CDC6: variants seen among roughly 807,000 people sequenced by gnomAD.
CDC6 encodes DNA replication factor CDC6.
In CDC6, 46 loss-of-function variants were observed where a neutral mutation model predicts 60.2. The ratio of observed to expected loss-of-function variants is 0.76; its 90% CI spans 0.60 to 0.98. The LOEUF (loss-of-function observed/expected upper bound fraction) is 0.98, where lower values mean the gene tolerates loss of function less well. CDC6 is among the 50% of genes least tolerant of loss of function. The pLI, the probability that CDC6 is intolerant of heterozygous loss-of-function variation, is 0.00. For synonymous variants in CDC6, 210 were observed against 233.2 expected, an observed-to-expected ratio of 0.90 and a Z score of 0.90; for missense variants, 596 against 652.9, an observed-to-expected ratio of 0.91 and a Z score of 0.95.
At chr17:40,299,129 G>A (rs2032900141) in intron 9 of CDC6, among the ~76,000 whole-genome samples, 1 of 139,184 alleles carries the variant, frequency 7.2e-6, no homozygotes, top group South Asian at 2.3e-4. Context: ...CAAACGATAA[G>A]GCCATAGTCT....
At chr17:40,291,751 T>C in intron 4 of CDC6, 83 bp downstream of exon 4, 3 of 1,464,660 alleles carry the variant, frequency 2.0e-6, no homozygotes, top group Admixed American at 3.4e-5. Flanking sequence ...TGTTTTGTTT[T>C]GTTTTGTTTT....
In CDC6 at chr17:40,289,540, A is replaced by G. The variant is rs776333251; in HGVS notation, c.120A>G (p.Gln40=). Residue 40 remains glutamine (Q), a synonymous_variant, in exon 2 of 12, where the codon CAA becomes CAG. Transcript: ENST00000209728. ...CCAAACTAGAACCAACAAATGTCCA[A>G]ACCGTAACCTGTTCTCCTCGTGTAA... ...SDAKLEPTNV[Q]TVTCSPRVKA... 3.1e-6 allele frequency: 5 copies of G among 1,613,874 alleles called. No individual in the cohort carries two copies. In the East Asian group the frequency reaches 8.9e-5, roughly 29 times the overall value.
At position 40,303,612 on chromosome 17, in the gene CDC6, G is replaced by C. The variant is rs978061432; in HGVS notation, c.*1611G>C. 1.3e-4 allele frequency: 20 copies of C among 152,216 alleles called. No individual in the cohort carries two copies. Among genetic ancestry groups the C allele is most frequent in the African/African-American group, 4.8e-4 (20 of 41,454 alleles). 9.4% of individuals were successfully genotyped at this position (152,216 alleles called of 1,614,324 possible). On this transcript the variant is annotated 3_prime_UTR_variant, in exon 12 of 12. Transcript: ENST00000209728. ...CATGATAGTCTGTAGGCATGAGTCT[G>C]AATGTTGTTCTCACACTCCTTTACT...
Position 40,300,865 on chromosome 17 carries a change from T to G in CDC6, c.1287T>G (p.Val429=). Reference sequence around the variant, plus strand: ...CTGAGCCTCTGATTCCCAAGAGGGTTGGTCTTATTCACATATCCCAAGTCA... The same window carrying G: ...CTGAGCCTCTGATTCCCAAGAGGGTGGGTCTTATTCACATATCCCAAGTCA... ...SPSEPLIPKR[V]GLIHISQVIS... is the part of the protein sequence containing the mutation. The change falls in exon 10 of 12, where the codon GTT becomes GTG. Residue 429 remains valine (V), a synonymous_variant. Transcript: ENST00000209728. 6.2e-7 allele frequency: 1 copy of G among 1,614,164 alleles called. No homozygotes were observed.
Position 40,301,490 on chromosome 17 carries a change from T to C in CDC6, c.1475T>C (p.Val492Ala), listed in dbSNP as rs1208012507. 1 of 1,614,172 alleles carries C rather than the reference T, an allele frequency of 6.2e-7. No individual in the cohort carries two copies. The highest frequency in any genetic ancestry group is 8.5e-7 in the Non-Finnish European group (1 of 1,179,984). ...CAGTTATATGAAGCCTACAGTAAAG[T>C]CTGTCGCAAACAGCAGGTGGCGGCT... is the stretch of plus-strand genomic sequence containing the variant. ...LGKLYEAYSKVCRKQQVAAVD... is the reference protein window; with the variant it reads ...LGKLYEAYSKACRKQQVAAVD... The change falls in exon 11 of 12, where the codon GTC (valine) becomes GCC (alanine). Residue 492 changes from valine to alanine, a missense_variant. By Grantham distance (64) the Val-to-Ala change is moderately conservative. Transcript: ENST00000209728.
rs2032974491 is a variant in CDC6 at position 40,304,442 on chromosome 17, G to A, written c.*2441G>A. ...TAGTGGGATGGGATGGGATGGGCTT[G>A]TGGTTAGCAGTTTTTGCCAGGATCA... is the stretch of plus-strand genomic sequence containing the variant. On this transcript the variant is annotated 3_prime_UTR_variant, in exon 12 of 12. Coordinates refer to ENST00000209728, the MANE Select transcript of CDC6 (RefSeq NM_001254.4). The A allele has an allele frequency of 6.6e-6, 1 of 152,222 alleles. No individual in the cohort carries two copies. The highest frequency in any genetic ancestry group is 1.5e-5 in the Non-Finnish European group (1 of 68,044). The allele number at this position is 152,222 out of a possible 1,614,324, so 9.4% of individuals were successfully genotyped here.
At chr17:40,299,906 T>A (rs2032913278) in intron 9 of CDC6, among the ~76,000 whole-genome samples, 1 of 152,160 alleles carries the variant, frequency 6.6e-6, no homozygotes, top group Non-Finnish European at 1.5e-5. Flanking sequence ...GCGACTTCAC[T>A]CTCCACATTT....
intron 4 of CDC6, among the ~76,000 whole-genome samples, chr17:40,292,621 T>TGA (rs778312289): frequency 1.5e-4 from 19 of 130,110 alleles, no homozygotes; most frequent in Non-Finnish European, 2.9e-4. Context: ...GGTGACAGAG[T>TGA]GAGACTCTGT....
intron 6 of CDC6, 27 bp downstream of exon 6, chr17:40,294,083 T>C: frequency 2.0e-6 from 3 of 1,473,100 alleles, no homozygotes; most frequent in Non-Finnish European, 2.9e-6. Context: ...TAATGTTACA[T>C]GGTGGTTCTA....
At chr17:40,290,892 G>A (rs895643181) in intron 2 of CDC6, among the ~76,000 whole-genome samples, 166 bp from the exon 3 acceptor site, 2 of 152,154 alleles carry the variant, frequency 1.3e-5, no homozygotes, top group Non-Finnish European at 2.9e-5. Flanking sequence ...TAAGATCAGT[G>A]GTGCCATCTG....
rs774685069 is a variant in CDC6, at chr17:40,291,149, A to C, written c.270A>C (p.Thr90=). The C allele has an allele frequency of 1.1e-5, 17 of 1,614,020 alleles. No homozygotes were observed. The highest frequency in any genetic ancestry group is 1.3e-5 in the Non-Finnish European group (15 of 1,179,982). Residue 90 remains threonine, a synonymous_variant, in exon 3 of 12, where the codon ACA becomes ACC. Coordinates refer to ENST00000209728, the MANE Select transcript of CDC6 (RefSeq NM_001254.4). ...KKENGPPHSH[T]LKGRRLVFDN... The stretch of plus-strand genomic sequence containing the variant: ...AGAATGGTCCCCCTCACTCACATAC[A>C]CTTAAGGGACGAAGATTGGTATTTG...
chr17:40,298,599 CCTT>C (rs769857115), intron 9 of CDC6, among the ~76,000 whole-genome samples: 27 of 152,066 alleles, frequency 1.8e-4, no homozygotes, highest in Admixed American at 4.6e-4. Flanking sequence ...GGAGGAGTCT[CCTT>C]ATGTTGCCCA....
chr17:40,301,869 T>C (rs2032944869), intron 11 of CDC6, 43 bp from the exon 12 acceptor site: 1 of 1,314,364 alleles, frequency 7.6e-7, no homozygotes. Context: ...ACTTTGCTTT[T>C]GTGAGTTCCC....
intron 9 of CDC6, among the ~76,000 whole-genome samples, chr17:40,298,582 A>C (rs185030117): frequency 1.3e-5 from 2 of 151,928 alleles, no homozygotes; most frequent in East Asian, 3.9e-4. Flanking sequence ...TTGTAGAGTC[A>C]GTGGGTGGAG....
chr17:40,298,692 C>G (rs1330522323), intron 9 of CDC6, among the ~76,000 whole-genome samples: 1 of 152,176 alleles, frequency 6.6e-6, no homozygotes, highest in Non-Finnish European at 1.5e-5. Context: ...CATGAGCCAC[C>G]ATACCAGGTT....
chr17:40,301,009 CAA>C lies in CDC6; in HGVS notation c.1433_1434del (p.Lys478ArgfsTer9). The C allele has an allele frequency of 6.2e-7, 1 of 1,613,008 alleles. No individual in the cohort carries two copies. The highest frequency in any genetic ancestry group is 1.1e-5 in the South Asian group (1 of 91,054). ...LMLLIRQLKI[K>X]EVTLGKLYEA... is the part of the protein sequence containing the mutation. ...TGCTCTTGATCAGGCAGTTGAAAAT[CAA>C]AGAGGTCACTCTGGGGAAGGTAAGT... On this transcript the variant is annotated frameshift_variant, in exon 10 of 12. Coordinates refer to ENST00000209728, the MANE Select transcript of CDC6 (RefSeq NM_001254.4). LOFTEE classifies it high-confidence loss of function.
rs2032968759 is a variant in CDC6, at chr17:40,303,883, A to G, written c.*1882A>G. 6.6e-6 allele frequency: 1 copy of G among 152,242 alleles called. No homozygotes were observed. The highest frequency in any genetic ancestry group is 6.5e-5 in the Admixed American group (1 of 15,284). 9.4% of individuals were successfully genotyped at this position (152,242 alleles called of 1,614,324 possible). ...TACAGTTTGTTTCCACACTGTGGGCAGCTGCTGTCTGTTCTGTGTCCACAG... is the reference window on the plus strand; with the variant it reads ...TACAGTTTGTTTCCACACTGTGGGCGGCTGCTGTCTGTTCTGTGTCCACAG... On this transcript the variant is annotated 3_prime_UTR_variant, in exon 12 of 12. Transcript: ENST00000209728.
Position 40,302,648 on chromosome 17 carries a change from G to T in CDC6, c.*647G>T, listed in dbSNP as rs547240159. ...TGGGATTATAGGCGTGAGCCACCAT[G>T]CTCAGCCATTAAGGTATTTTGTTAA... On this transcript the variant is annotated 3_prime_UTR_variant, in exon 12 of 12. Coordinates refer to ENST00000209728, the MANE Select transcript of CDC6 (RefSeq NM_001254.4). The T allele has an allele frequency of 6.6e-6, 1 of 152,394 alleles. No homozygotes were observed. The highest frequency in any genetic ancestry group is 2.4e-5 in the African/African-American group (1 of 41,556). 9.4% of individuals were successfully genotyped at this position (152,394 alleles called of 1,614,324 possible).
At position 40,291,357 on chromosome 17, in the gene CDC6, A is replaced by G; in HGVS notation, c.460+18A>G. On this transcript the variant is annotated intron_variant, in intron 3 of 11. Coordinates refer to ENST00000209728, the MANE Select transcript of CDC6 (RefSeq NM_001254.4). ...GCAAGAAGGTTTGTTCTTACATGGC[A>G]ACTGTTAGTGCAGCCATTGTAACCA... 1 of 1,613,902 alleles carries G rather than the reference A, an allele frequency of 6.2e-7. No homozygotes were observed. Among genetic ancestry groups the G allele is most frequent in the Non-Finnish European group, 8.5e-7 (1 of 1,179,802 alleles).
Sources: gnomAD v4.1 joint callset for allele counts (sites outside exome capture counted in the v4.1 genomes callset) on GRCh38, gnomAD v4.1.1 for gene constraint, MANE v1.5 for transcripts, NCBI Gene and HGNC (gene_info 2026-07-23, HGNC 2026-07-21) for gene names.